Variants in CENPW observed in about 807,000 individuals in gnomAD.
CENPW encodes centromere protein W.
CENPW carries 3 observed loss-of-function variants against 11.1 expected under a neutral mutation model. That is an observed-to-expected ratio of 0.27 (90% CI 0.12 to 0.70). The LOEUF is 0.70. Among genes scored for constraint, CENPW ranks in the 30% least tolerant of loss-of-function variants. The pLI is 0.77. For missense variants in CENPW, 100 were observed against 105.6 expected (o/e 0.95, Z 0.23); for synonymous variants, 38 against 42.0 (o/e 0.91, Z 0.37).
At chr6:126,403,121 C>T in the CENPW span, among the ~76,000 whole-genome samples, 5 of 152,122 alleles carry the variant, frequency 3.3e-5, no homozygotes, top group African/African-American at 4.8e-5. Context: ...TTAATAAATA[C>T]GTTTTGACTG....
chr6:126,429,548 T>TA, the CENPW span, among the ~76,000 whole-genome samples: 4 of 152,058 alleles, frequency 2.6e-5, no homozygotes, highest in Admixed American at 6.5e-5. Context: ...CTGCCATGAG[T>TA]AAAAGCTCCC....
At chr6:126,418,278 A>G in the CENPW span, among the ~76,000 whole-genome samples, 3 of 152,244 alleles carry the variant, frequency 2.0e-5, no homozygotes, top group African/African-American at 7.2e-5. Context: ...ATATGCTCAC[A>G]CAAATACTTT....
the CENPW span, among the ~76,000 whole-genome samples, chr6:126,450,276 G>A: frequency 6.6e-6 from 1 of 151,070 alleles, no homozygotes; most frequent in Non-Finnish European, 1.5e-5. Context: ...AAATGTAAAT[G>A]TGTAAGACTG....
At chr6:126,358,805 G>A in the CENPW span, among the ~76,000 whole-genome samples, 2 of 151,962 alleles carry the variant, frequency 1.3e-5, no homozygotes, top group African/African-American at 4.8e-5. Flanking sequence ...ATTGAACCAG[G>A]AAGAACATGA....
the CENPW span, among the ~76,000 whole-genome samples, chr6:126,459,798 T>TCTCC: frequency 2.0e-5 from 3 of 151,586 alleles, no homozygotes; most frequent in African/African-American, 7.2e-5. Context: ...AGCTTCTTTT[T>TCTCC]CTCCCTAACT....
At chr6:126,378,142 A>G in the CENPW span, among the ~76,000 whole-genome samples, 2 of 152,222 alleles carry the variant, frequency 1.3e-5, no homozygotes, top group African/African-American at 4.8e-5. Flanking sequence ...CTTTTCTACC[A>G]AAATACTTCC....
chr6:126,415,331 C>G, the CENPW span, among the ~76,000 whole-genome samples: 1 of 152,132 alleles, frequency 6.6e-6, no homozygotes, highest in Admixed American at 6.5e-5. Flanking sequence ...GACATCTTAG[C>G]TTCTTTATTT....
At chr6:126,383,614 CAG>C in the CENPW span, among the ~76,000 whole-genome samples, 31 of 152,062 alleles carry the variant, frequency 2.0e-4, no homozygotes, top group East Asian at 7.7e-4. Context: ...AAAAAAAAAT[CAG>C]GGGTTGCAAT....
At chr6:126,409,158 T>G in the CENPW span, among the ~76,000 whole-genome samples, 1 of 152,148 alleles carries the variant, frequency 6.6e-6, no homozygotes, top group Non-Finnish European at 1.5e-5. Flanking sequence ...AAGTTTTAAA[T>G]TTCCTAATTA....
chr6:126,418,084 G>A, the CENPW span, among the ~76,000 whole-genome samples: 1 of 152,136 alleles, frequency 6.6e-6, no homozygotes, highest in Non-Finnish European at 1.5e-5. Context: ...TAATAAAAAA[G>A]ATAGACAATA....
At chr6:126,461,684 A>G in the CENPW span, among the ~76,000 whole-genome samples, 22 of 151,932 alleles carry the variant, frequency 1.4e-4, no homozygotes, top group African/African-American at 4.6e-4. Flanking sequence ...TTACCATATT[A>G]TCTCTTTTGG....
At chr6:126,347,391 A>C (rs530254443) in intron 2 of CENPW, among the ~76,000 whole-genome samples, 1 of 152,164 alleles carries the variant, frequency 6.6e-6, no homozygotes, top group Non-Finnish European at 1.5e-5. Flanking sequence ...TAGTCATGTA[A>C]AGTTATGAAA....
the CENPW span, among the ~76,000 whole-genome samples, chr6:126,394,367 T>C: frequency 1.3e-5 from 2 of 152,070 alleles, no homozygotes; most frequent in Non-Finnish European, 2.9e-5. Flanking sequence ...TATTTCAAAC[T>C]GATGACTAGT....
At chr6:126,343,975 T>C (rs1290899400) in intron 1 of CENPW, among the ~76,000 whole-genome samples, 2 of 152,200 alleles carry the variant, frequency 1.3e-5, no homozygotes, top group Non-Finnish European at 2.9e-5. Context: ...GTATTCCATC[T>C]AGGTTAATGA....
At chr6:126,370,202 G>T in the CENPW span, among the ~76,000 whole-genome samples, 1 of 152,194 alleles carries the variant, frequency 6.6e-6, no homozygotes, top group Non-Finnish European at 1.5e-5. Context: ...GTTAGGTAAT[G>T]TGATGCCTTC....
At chr6:126,479,940 A>G in the CENPW span, among the ~76,000 whole-genome samples, 1 of 151,908 alleles carries the variant, frequency 6.6e-6, no homozygotes. Flanking sequence ...TGCTTACACA[A>G]CCACTTAATA....
the CENPW span, among the ~76,000 whole-genome samples, chr6:126,458,575 C>T: frequency 2.0e-5 from 3 of 151,196 alleles, no homozygotes; most frequent in Non-Finnish European, 4.4e-5. Flanking sequence ...GGTAATTTCT[C>T]TGTTTGTGTA....
the CENPW span, among the ~76,000 whole-genome samples, chr6:126,452,322 C>T: frequency 2.0e-5 from 3 of 150,980 alleles, no homozygotes; most frequent in Non-Finnish European, 3.0e-5. Context: ...TTGGAATCAT[C>T]GGACAGAAAT....
the CENPW span, among the ~76,000 whole-genome samples, chr6:126,455,810 C>G: frequency 6.6e-6 from 1 of 151,214 alleles, no homozygotes; most frequent in Non-Finnish European, 1.5e-5. Context: ...GAATCTATAT[C>G]TAGAAAACCC....
Sources: allele counts gnomAD v4.1 joint callset (sites outside exome capture counted in the v4.1 genomes callset), GRCh38; gene constraint gnomAD v4.1.1; transcripts MANE v1.5; gene names NCBI Gene and HGNC (gene_info 2026-07-23, HGNC 2026-07-21).